Variants in XYLT1 observed in about 807,000 individuals in gnomAD.
XYLT1 encodes the protein xylosyltransferase 1, also known as beta-D-xylosyltransferase 1.
A neutral mutation model predicts 91.3 loss-of-function variants in XYLT1; 36 were observed. The ratio of observed to expected loss-of-function variants is 0.39; its 90% CI spans 0.30 to 0.52. The LOEUF (loss-of-function observed/expected upper bound fraction) is 0.52, where lower values mean the gene tolerates loss of function less well. Among genes scored for constraint, XYLT1 ranks in the 20% least tolerant of loss-of-function variants. The pLI is 0.68. For synonymous variants in XYLT1, 588 were observed against 532.0 expected (o/e 1.11, Z -1.45); for missense variants, 1,242 against 1,284.5 (o/e 0.97, Z 0.51).
intron 7 of XYLT1, among the ~76,000 whole-genome samples, chr16:17,138,910 C>T (rs1395759530): frequency 1.3e-5 from 2 of 152,136 alleles, no homozygotes; most frequent in East Asian, 1.9e-4. Flanking sequence ...GTCTGACTGA[C>T]TGACTGGTGT....
At chr16:17,468,126 C>T (rs973831758) in intron 1 of XYLT1, among the ~76,000 whole-genome samples, 18 of 152,090 alleles carry the variant, frequency 1.2e-4, no homozygotes, top group Non-Finnish European at 2.1e-4. Flanking sequence ...AACAGCCTGC[C>T]CCCTTCTGGT....
chr16:17,330,263 T>C (rs2034874053), intron 2 of XYLT1, among the ~76,000 whole-genome samples: 1 of 152,172 alleles, frequency 6.6e-6, no homozygotes, highest in African/African-American at 2.4e-5. Flanking sequence ...AAACAGCTGA[T>C]AAACTGGGTT....
intron 1 of XYLT1, among the ~76,000 whole-genome samples, chr16:17,440,366 A>G (rs2036517651): frequency 6.6e-6 from 1 of 152,250 alleles, no homozygotes; most frequent in Non-Finnish European, 1.5e-5. Flanking sequence ...TCACCCATAC[A>G]GGCAAACAAT....
intron 6 of XYLT1, among the ~76,000 whole-genome samples, chr16:17,148,442 T>C (rs186012533): frequency 2.9e-4 from 44 of 152,354 alleles, no homozygotes; most frequent in Non-Finnish European, 4.4e-4. Flanking sequence ...TTTTTGCCTA[T>C]TTTTGTTCAC....
chr16:17,359,750 C>A (rs763055223), intron 1 of XYLT1, among the ~76,000 whole-genome samples: 1 of 152,194 alleles, frequency 6.6e-6, no homozygotes, highest in Non-Finnish European at 1.5e-5. Flanking sequence ...CTGTTTTGGG[C>A]CTGTCTCTTC....
At chr16:17,324,656 C>T (rs559313804) in intron 2 of XYLT1, among the ~76,000 whole-genome samples, 167 of 152,316 alleles carry the variant, frequency 1.1e-3, no homozygotes, top group African/African-American at 3.6e-3. Context: ...GGACCGACAA[C>T]GCTCTGAGTA....
chr16:17,423,038 T>C (rs2036268308), intron 1 of XYLT1, among the ~76,000 whole-genome samples: 1 of 152,204 alleles, frequency 6.6e-6, no homozygotes, highest in South Asian at 2.1e-4. Context: ...AGCACAGTCA[T>C]CCAAATGTGG....
chr16:17,146,007 G>A (rs899443627), intron 6 of XYLT1, among the ~76,000 whole-genome samples: 2 of 152,200 alleles, frequency 1.3e-5, no homozygotes, highest in African/African-American at 4.8e-5. Context: ...CAGGTCAGCT[G>A]CTCAAGAAAA....
chr16:17,209,427 C>A (rs1479961461), intron 3 of XYLT1, among the ~76,000 whole-genome samples: 4 of 151,924 alleles, frequency 2.6e-5, no homozygotes, highest in Admixed American at 2.0e-4. Flanking sequence ...TGGCTTTCAC[C>A]TTTTGGCTGT....
chr16:17,259,510 G>A lies in XYLT1; in HGVS notation c.403-12C>T. 6.2e-7 allele frequency: 1 copy of A among 1,600,160 alleles called. No individual in the cohort carries two copies. The highest frequency in any genetic ancestry group is 1.1e-5 in the South Asian group (1 of 90,900). On this transcript the variant is annotated splice_polypyrimidine_tract_variant and intron_variant, in intron 2 of 11. Transcript: ENST00000261381. ...GAAAAGTAGCCATCCTGGAGAAGAG[G>A]GGAGAGAAACAGAAGAGAAACTTGA...
chr16:17,461,018 C>T (rs2036812706), intron 1 of XYLT1, among the ~76,000 whole-genome samples: 1 of 152,202 alleles, frequency 6.6e-6, no homozygotes, highest in Non-Finnish European at 1.5e-5. Flanking sequence ...GACTGAGCTC[C>T]AGAGAGGCAA....
intron 10 of XYLT1, among the ~76,000 whole-genome samples, chr16:17,126,461 T>TGG (rs1414310017): frequency 6.6e-6 from 1 of 152,188 alleles, no homozygotes; most frequent in Non-Finnish European, 1.5e-5. Flanking sequence ...GCAAATCCAC[T>TGG]GGGAGTCTTA....
At chr16:17,181,153 T>C (rs1198734089) in intron 5 of XYLT1, among the ~76,000 whole-genome samples, 1 of 152,090 alleles carries the variant, frequency 6.6e-6, no homozygotes, top group Admixed American at 6.5e-5. Context: ...CTCATTGGGG[T>C]AGAGAAGGCC....
chr16:17,197,833 C>T (rs889917033), intron 5 of XYLT1, among the ~76,000 whole-genome samples: 1 of 152,136 alleles, frequency 6.6e-6, no homozygotes, highest in African/African-American at 2.4e-5. Flanking sequence ...TGCAGACGGC[C>T]TATCGTGAGA....
At chr16:17,311,673 T>TC (rs1461105904) in intron 2 of XYLT1, among the ~76,000 whole-genome samples, 1 of 152,020 alleles carries the variant, frequency 6.6e-6, no homozygotes, top group Non-Finnish European at 1.5e-5. Flanking sequence ...AAGTTTCCTT[T>TC]CCCCCTTGTG....
intron 5 of XYLT1, among the ~76,000 whole-genome samples, chr16:17,189,429 C>T (rs1307407969): frequency 1.3e-5 from 2 of 152,190 alleles, no homozygotes; most frequent in Admixed American, 1.3e-4. Context: ...AACAAGAGTC[C>T]TCCAGCACCA....
chr16:17,121,351 G>A (rs2141488493), intron 10 of XYLT1, among the ~76,000 whole-genome samples: 1 of 152,318 alleles, frequency 6.6e-6, no homozygotes, highest in South Asian at 2.1e-4. Flanking sequence ...CGAGGAGCGT[G>A]AAGGGTGAGG....
intron 3 of XYLT1, among the ~76,000 whole-genome samples, chr16:17,201,763 A>G (rs2032548419): frequency 6.6e-6 from 1 of 152,170 alleles, no homozygotes; most frequent in Non-Finnish European, 1.5e-5. Flanking sequence ...GACGTGAGCC[A>G]CTGTGCCCGG....
intron 5 of XYLT1, among the ~76,000 whole-genome samples, chr16:17,184,496 G>C (rs2032139753): frequency 6.6e-6 from 1 of 151,934 alleles, no homozygotes; most frequent in African/African-American, 2.4e-5. Context: ...GGAAGTGTTT[G>C]TACCCCATGG....
Sources: gnomAD v4.1 joint callset for allele counts (sites outside exome capture counted in the v4.1 genomes callset) on GRCh38, gnomAD v4.1.1 for gene constraint, MANE v1.5 for transcripts, NCBI Gene and HGNC (gene_info 2026-07-23, HGNC 2026-07-21) for gene names.